The following AFG3L2 variants were observed in gnomAD, a reference collection of about 807,000 sequenced individuals.
The protein encoded by AFG3L2 is AFG3 like matrix AAA peptidase subunit 2.
In AFG3L2, 54 loss-of-function variants were observed where a neutral mutation model predicts 94.5. The observed-to-expected ratio is 0.57, with a 90% CI of 0.46 to 0.72. AFG3L2 has a LOEUF of 0.72. Ranked by LOEUF, AFG3L2 falls within the 30% of genes least tolerant of loss-of-function variation. The pLI, the probability that AFG3L2 is intolerant of heterozygous loss-of-function variation, is 0.00. For missense variants in AFG3L2, 754 were observed against 994.9 expected (o/e 0.76, Z 3.26); for synonymous variants, 377 against 365.5 (o/e 1.03, Z -0.36).
At chr18:12,363,235 C>T (rs1280363333) in intron 6 of AFG3L2, among the ~76,000 whole-genome samples, 1 of 152,158 alleles carries the variant, frequency 6.6e-6, no homozygotes, top group Non-Finnish European at 1.5e-5. Context: ...CTCTCCCCTC[C>T]CCTCCAGAAT....
chr18:12,344,099 C>A, intron 14 of AFG3L2, 33 bp downstream of exon 14: 1 of 1,564,912 alleles, frequency 6.4e-7, no homozygotes. Context: ...CTCACCCATG[C>A]ACTGGCTGCC....
At chr18:12,350,577 C>G (rs538546390) in intron 12 of AFG3L2, among the ~76,000 whole-genome samples, 7 of 152,316 alleles carry the variant, frequency 4.6e-5, no homozygotes, top group African/African-American at 1.7e-4. Flanking sequence ...GTTCCTGAAA[C>G]TAGGTGACAG....
intron 16 of AFG3L2, among the ~76,000 whole-genome samples, chr18:12,334,317 C>T (rs1264553197): frequency 2.6e-5 from 4 of 152,172 alleles, no homozygotes; most frequent in South Asian, 4.1e-4. Flanking sequence ...AGTTGTGCAG[C>T]GTGAGTCGTG....
chr18:12,364,537 TGCTCTATAGGACATAGCCTATC>T (rs1291035566), intron 5 of AFG3L2, among the ~76,000 whole-genome samples: 11 of 152,242 alleles, frequency 7.2e-5, no homozygotes, highest in Admixed American at 2.6e-4. Flanking sequence ...ACATTATTAT[TGCTCTATAGGACATAGCCTATC>T]GCTCTATAGG....
chr18:12,370,843 A>G lies in AFG3L2; in HGVS notation c.292+6T>C, dbSNP rs1337168250. On this transcript the variant is annotated splice_donor_region_variant and intron_variant, in intron 3 of 16. Transcript: ENST00000269143. ...AAAATTCAAATATAATATTGTCAAA[A>G]GGTACCTTTTTTCTCTCCCATAACT... 4.5e-6 allele frequency: 7 copies of G among 1,557,230 alleles called. No individual in the cohort carries two copies. Among genetic ancestry groups the G allele is most frequent in the Non-Finnish European group, 6.2e-6 (7 of 1,131,438 alleles).
chr18:12,366,517 C>T (rs565085039), intron 5 of AFG3L2, among the ~76,000 whole-genome samples: 6 of 152,242 alleles, frequency 3.9e-5, no homozygotes, highest in Admixed American at 1.3e-4. Context: ...TTAGCTGCCA[C>T]GCCCACAGGT....
intron 1 of AFG3L2, among the ~76,000 whole-genome samples, chr18:12,376,599 T>C (rs556261984): frequency 6.6e-6 from 1 of 152,350 alleles, no homozygotes; most frequent in East Asian, 1.9e-4. Context: ...TCCTTGCGAC[T>C]ACATCGTGCT....
Position 12,358,899 on chromosome 18 carries a change from A to G in AFG3L2, c.797T>C (p.Phe266Ser). The change falls in exon 8 of 17, where the codon TTC becomes TCC. Residue 266 changes from phenylalanine (F) to serine (S), a missense_variant. By Grantham distance (155) the Phe-to-Ser change is radical. Transcript: ENST00000269143. ...CCCTCTTCTGATGGTGTAGAGCAAGAAGGCGATGATGAGCACCGTAGGCAG... is the reference window on the plus strand; with the variant it reads ...CCCTCTTCTGATGGTGTAGAGCAAGGAGGCGATGATGAGCACCGTAGGCAG... ...SMLPTVLIIAFLLYTIRRGPA... is the reference protein window; with the variant it reads ...SMLPTVLIIASLLYTIRRGPA... 1 of 1,614,070 alleles carries G rather than the reference A, an allele frequency of 6.2e-7. No individual in the cohort carries two copies. Among genetic ancestry groups the G allele is most frequent in the Non-Finnish European group, 8.5e-7 (1 of 1,179,996 alleles).
At chr18:12,367,205 C>T (rs1430878939) in intron 4 of AFG3L2, 71 bp downstream of exon 4, 27 of 1,611,768 alleles carry the variant, frequency 1.7e-5, no homozygotes, top group Non-Finnish European at 2.2e-5. Context: ...TCCAACACTA[C>T]ACTAATGCCT....
chr18:12,375,430 A>G (rs115755270), intron 1 of AFG3L2, among the ~76,000 whole-genome samples: 10 of 151,344 alleles, frequency 6.6e-5, no homozygotes, highest in Middle Eastern at 6.8e-3. Context: ...AAAAAAAACA[A>G]TTTGTAGAGG....
intron 16 of AFG3L2, among the ~76,000 whole-genome samples, chr18:12,335,680 C>T (rs1310579920): frequency 1.3e-5 from 2 of 152,152 alleles, no homozygotes; most frequent in Non-Finnish European, 2.9e-5. Context: ...CCCCGGGCTC[C>T]ACGCCGCACA....
intron 9 of AFG3L2, among the ~76,000 whole-genome samples, chr18:12,353,645 T>A (rs1003225218): frequency 2.6e-5 from 4 of 151,646 alleles, no homozygotes; most frequent in Non-Finnish European, 5.9e-5. Flanking sequence ...CAGCAGCAAA[T>A]GAGGAGTAAC....
At chr18:12,369,349 C>G (rs371885561) in intron 3 of AFG3L2, among the ~76,000 whole-genome samples, 1 of 152,142 alleles carries the variant, frequency 6.6e-6, no homozygotes, top group South Asian at 2.1e-4. Context: ...CAGTGCTTCT[C>G]CCTCCCCATG....
At chr18:12,347,442 A>G (rs902512065) in intron 13 of AFG3L2, among the ~76,000 whole-genome samples, 3 of 152,208 alleles carry the variant, frequency 2.0e-5, no homozygotes, top group Non-Finnish European at 4.4e-5. Flanking sequence ...ATTAAATCAG[A>G]AGCCCTATGG....
chr18:12,361,047 AT>A (rs916124845), intron 6 of AFG3L2, among the ~76,000 whole-genome samples: 2 of 152,198 alleles, frequency 1.3e-5, no homozygotes, highest in Non-Finnish European at 2.9e-5. Context: ...TTAGAAAAGT[AT>A]TTTTTAAATC....
intron 14 of AFG3L2, chr18:12,343,894 C>T (rs1908035608): frequency 1.8e-6 from 1 of 561,684 alleles, no homozygotes; most frequent in Non-Finnish European, 3.2e-6. Context: ...TAGGAGCAAA[C>T]TCTCCAGCTC....
At chr18:12,333,245 TATAA>T (rs1469233061) in intron 16 of AFG3L2, among the ~76,000 whole-genome samples, 9 of 126,952 alleles carry the variant, frequency 7.1e-5, no homozygotes, top group African/African-American at 2.1e-4. Flanking sequence ...TATATAATTA[TATAA>T]ATATATAGAT....
intron 9 of AFG3L2, among the ~76,000 whole-genome samples, chr18:12,354,882 T>C (rs920688488): frequency 6.6e-6 from 1 of 151,612 alleles, no homozygotes; most frequent in Non-Finnish European, 1.5e-5. Context: ...CCTATTTTTC[T>C]ATGACTTATC....
At position 12,351,182 on chromosome 18, in the gene AFG3L2, A is replaced by G; in HGVS notation, c.1455T>C (p.Ser485=). 6.2e-7 allele frequency: 1 copy of G among 1,614,154 alleles called. No homozygotes were observed. The highest frequency in any genetic ancestry group is 8.5e-7 in the Non-Finnish European group (1 of 1,180,028). Reference sequence around the variant, plus strand: ...GCGGTCGGAGATGAACTTTGAAAATAGAAGCTCTTCCTTTTATGTCTGGTG... The same window carrying G: ...GCGGTCGGAGATGAACTTTGAAAATGGAAGCTCTTCCTTTTATGTCTGGTG... ...IGPPDIKGRA[S]IFKVHLRPLK... The change falls in exon 12 of 17, where the codon TCT becomes TCC. Residue 485 remains serine, a synonymous_variant. Coordinates refer to ENST00000269143, the MANE Select transcript of AFG3L2 (RefSeq NM_006796.3).
Sources: gnomAD v4.1 joint callset for allele counts (sites outside exome capture counted in the v4.1 genomes callset) on GRCh38, gnomAD v4.1.1 for gene constraint, MANE v1.5 for transcripts, NCBI Gene and HGNC (gene_info 2026-07-23, HGNC 2026-07-21) for gene names.